Variants in PCDHA4 observed in about 807,000 individuals in gnomAD.
PCDHA4 encodes the protein protocadherin alpha 4, also known as protocadherin alpha-4.
In PCDHA4, 49 loss-of-function variants were observed where a neutral mutation model predicts 61.4. That is an observed-to-expected ratio of 0.80 (90% CI 0.63 to 1.01). The LOEUF is 1.01. Among genes scored for constraint, PCDHA4 ranks in the 50% least tolerant of loss-of-function variants. PCDHA4 has a pLI of 0.00. For synonymous variants in PCDHA4, 590 were observed against 550.3 expected (o/e 1.07, Z -1.01); for missense variants, 1,254 against 1,235.8 (o/e 1.01, Z -0.22).
chr5:140,928,522 T>G lies in PCDHA4; in HGVS notation c.2386-50427T>G, dbSNP rs373009645. The G allele has an allele frequency of 4.3e-6, 7 of 1,614,150 alleles. No homozygotes were observed. Among genetic ancestry groups the G allele is most frequent in the African/African-American group, 1.3e-5 (1 of 75,032 alleles). On this transcript the variant is annotated intron_variant, in intron 1 of 3. Coordinates refer to ENST00000530339, the MANE Select transcript of PCDHA4 (RefSeq NM_018907.4). ...AAGTGCAACAGTGACTATAAACTTG[T>G]TTGTGGTAGATAGGAATGACAATTA...
chr5:140,809,451 G>A lies in PCDHA4; in HGVS notation c.2264G>A (p.Arg755Lys), dbSNP rs1764468208. ...AGCTGGTCATACTCGCAGCAGAGGA[G>A]GCCGAGGGTGTGCTCTGGTGAGGGC... is the stretch of plus-strand genomic sequence containing the variant. Reference protein sequence around the residue: ...VGSWSYSQQRRPRVCSGEGPP... With the variant: ...VGSWSYSQQRKPRVCSGEGPP... The change falls in exon 1 of 4, where the codon AGG becomes AAG. Residue 755 changes from arginine (R) to lysine (K), a missense_variant. Transcript: ENST00000530339. The A allele has an allele frequency of 1.2e-6, 2 of 1,614,248 alleles. No homozygotes were observed. The highest frequency in any genetic ancestry group is 1.7e-6 in the Non-Finnish European group (2 of 1,180,032).
chr5:140,971,067 G>A (rs1270982335), intron 1 of PCDHA4, among the ~76,000 whole-genome samples: 1 of 152,204 alleles, frequency 6.6e-6, no homozygotes, highest in Non-Finnish European at 1.5e-5. Flanking sequence ...TAAGGTTGCT[G>A]TAGACATTTG....
At chr5:140,871,624 A>G in intron 1 of PCDHA4, 1 of 1,409,596 alleles carries the variant, frequency 7.1e-7, no homozygotes, top group African/African-American at 1.4e-5. Context: ...TTTAGATAAC[A>G]ATGTCTGTTC....
chr5:140,871,316 T>C, intron 1 of PCDHA4: 1 of 1,614,034 alleles, frequency 6.2e-7, no homozygotes, highest in South Asian at 1.1e-5. Context: ...AAGCCCACGC[T>C]GGTGTGCTCC....
intron 1 of PCDHA4, among the ~76,000 whole-genome samples, chr5:140,840,126 A>G (rs1776573004): frequency 6.6e-6 from 1 of 152,062 alleles, no homozygotes; most frequent in African/African-American, 2.4e-5. Flanking sequence ...CTGTACTAAT[A>G]AGGACAGAAA....
intron 1 of PCDHA4, among the ~76,000 whole-genome samples, chr5:140,943,763 G>T (rs2093562574): frequency 6.6e-6 from 1 of 152,122 alleles, no homozygotes; most frequent in Admixed American, 6.5e-5. Context: ...GGAGATGTAG[G>T]AAAAAAACTA....
At chr5:140,873,867 G>A (rs2054538446) in intron 1 of PCDHA4, among the ~76,000 whole-genome samples, 1 of 152,098 alleles carries the variant, frequency 6.6e-6, no homozygotes, top group Non-Finnish European at 1.5e-5. Flanking sequence ...CACCATGTTG[G>A]CCAGGCTGGT....
intron 1 of PCDHA4, chr5:140,856,717 A>T: frequency 6.3e-7 from 1 of 1,596,480 alleles, no homozygotes; most frequent in Non-Finnish European, 8.6e-7. Flanking sequence ...AATTTACCGG[A>T]TCTGTTTCTC....
At chr5:140,936,849 G>A (rs927747848) in intron 1 of PCDHA4, among the ~76,000 whole-genome samples, 1 of 152,006 alleles carries the variant, frequency 6.6e-6, no homozygotes, top group Non-Finnish European at 1.5e-5. Context: ...TGTAGATTCA[G>A]CTTCTCAGTT....
Position 140,857,664 on chromosome 5 carries a change from G to C in PCDHA4, c.2385+48092G>C, listed in dbSNP as rs201104305. Reference sequence around the variant, plus strand: ...CAGTTCCAGGTGAGCGCGCGCGATGGGGGCGTGCCGCCTCTGGGCAGCAAC... The same window carrying C: ...CAGTTCCAGGTGAGCGCGCGCGATGCGGGCGTGCCGCCTCTGGGCAGCAAC... On this transcript the variant is annotated intron_variant, in intron 1 of 3. Transcript: ENST00000530339. 3.7e-5 allele frequency: 59 copies of C among 1,591,986 alleles called. 7 individuals are homozygous for C. The highest frequency in any genetic ancestry group is 8.9e-5 in the East Asian group (4 of 44,792).
intron 1 of PCDHA4, among the ~76,000 whole-genome samples, chr5:140,821,244 T>C (rs186951074): frequency 6.6e-6 from 1 of 152,324 alleles, no homozygotes; most frequent in African/African-American, 2.4e-5. Flanking sequence ...AAGTCAAAAC[T>C]TTAACTCTTA....
chr5:140,967,006 C>G, intron 1 of PCDHA4: 1 of 1,605,750 alleles, frequency 6.2e-7, no homozygotes, highest in Non-Finnish European at 8.5e-7. Flanking sequence ...TGCGCATCAA[C>G]CATCTGGGTG....
intron 1 of PCDHA4, among the ~76,000 whole-genome samples, chr5:140,910,225 T>C (rs1194368347): frequency 6.6e-6 from 1 of 152,232 alleles, no homozygotes; most frequent in Non-Finnish European, 1.5e-5. Flanking sequence ...TTTCTGCTTA[T>C]ATAAATTAAA....
chr5:140,859,888 A>T (rs2046074014), intron 1 of PCDHA4: 1 of 152,104 alleles, frequency 6.6e-6, no homozygotes. Context: ...TATTTTGAAA[A>T]AAAATCTTCC....
At chr5:140,815,474 C>T (rs1440503141) in intron 1 of PCDHA4, 1 of 152,080 alleles carries the variant, frequency 6.6e-6, no homozygotes, top group Non-Finnish European at 1.5e-5. Context: ...ATGTTTACTT[C>T]TCCCCTACCC....
chr5:140,986,036 G>A (rs2097184937), intron 3 of PCDHA4, among the ~76,000 whole-genome samples: 2 of 152,116 alleles, frequency 1.3e-5, no homozygotes, highest in Admixed American at 1.3e-4. Context: ...ACTGCGCCTG[G>A]CCTCACTGAT....
intron 1 of PCDHA4, among the ~76,000 whole-genome samples, chr5:140,963,002 A>G (rs921334790): frequency 7.2e-5 from 11 of 152,242 alleles, no homozygotes; most frequent in African/African-American, 2.2e-4. Flanking sequence ...TACTAAAAAT[A>G]AGATCTGAAG....
chr5:140,969,037 C>T (rs1554231375), intron 1 of PCDHA4: 1 of 1,614,158 alleles, frequency 6.2e-7, no homozygotes, highest in South Asian at 1.1e-5. Flanking sequence ...CAGAACTGTA[C>T]AAACAAGCCA....
rs373922357 is a variant in PCDHA4, at chr5:140,927,079, G to A, written c.2386-51870G>A. ...CTTTCGCTTCCTTTCCAGCCACCGC[G>A]AGCTCTACTTCGGGGTGGATCTACC... On this transcript the variant is annotated intron_variant, in intron 1 of 3. Transcript: ENST00000530339. 2.5e-6 allele frequency: 4 copies of A among 1,610,988 alleles called. No homozygotes were observed. The highest frequency in any genetic ancestry group is 2.5e-6 in the Non-Finnish European group (3 of 1,177,702).
Sources: allele counts gnomAD v4.1 joint callset (sites outside exome capture counted in the v4.1 genomes callset), GRCh38; gene constraint gnomAD v4.1.1; transcripts MANE v1.5; gene names NCBI Gene and HGNC (gene_info 2026-07-23, HGNC 2026-07-21).